The following WWOX variants were observed in gnomAD, a reference collection of about 807,000 sequenced individuals.
WWOX encodes the protein WW domain containing oxidoreductase, also known as WW domain-containing oxidoreductase.
Under a neutral mutation model 46.2 loss-of-function variants are expected in WWOX, and 69 were observed. That is an observed-to-expected ratio of 1.49 (90% CI 1.23 to 1.82). The LOEUF (loss-of-function observed/expected upper bound fraction) is 1.82. Ranked by LOEUF, WWOX falls within the 40% of genes most tolerant of loss-of-function variation. The pLI, the probability that WWOX is intolerant of heterozygous loss-of-function variation, is 0.00. For missense variants in WWOX, 919 were observed against 542.6 expected (o/e 1.69, Z -6.89); for synonymous variants, 359 against 202.6 (o/e 1.77, Z -6.56).
intron 5 of WWOX, chr16:78,264,407 CCT>C (rs1431476498): frequency 5.9e-5 from 9 of 152,214 alleles, no homozygotes; most frequent in East Asian, 3.9e-4. Flanking sequence ...TAAATTATCC[CCT>C]CTTTTTAAAC....
intron 8 of WWOX, among the ~76,000 whole-genome samples, chr16:78,569,681 G>T (rs1424193546): frequency 6.6e-6 from 1 of 152,178 alleles, no homozygotes; most frequent in Non-Finnish European, 1.5e-5. Flanking sequence ...CTCTCAGTGA[G>T]CAGGAAAATT....
chr16:78,990,200 A>AAG (rs1434354504), intron 8 of WWOX, among the ~76,000 whole-genome samples: 1 of 151,046 alleles, frequency 6.6e-6, no homozygotes, highest in African/African-American at 2.5e-5. Flanking sequence ...AAAAAAAAAA[A>AAG]AAGAGAGAGA....
chr16:79,050,989 A>C (rs572248492), intron 8 of WWOX, among the ~76,000 whole-genome samples: 1 of 152,212 alleles, frequency 6.6e-6, no homozygotes, highest in Non-Finnish European at 1.5e-5. Context: ...AACACAAGAC[A>C]CTGACCCAAA....
intron 8 of WWOX, among the ~76,000 whole-genome samples, chr16:78,538,399 C>A (rs973827728): frequency 6.6e-6 from 1 of 152,136 alleles, no homozygotes; most frequent in East Asian, 1.9e-4. Context: ...AGTCTTAAAC[C>A]TCTGCGTGGT....
intron 8 of WWOX, among the ~76,000 whole-genome samples, chr16:78,900,412 G>T (rs76938787): frequency 6.6e-6 from 1 of 152,066 alleles, no homozygotes; most frequent in African/African-American, 2.4e-5. Flanking sequence ...CAAATAATTT[G>T]TTTTTTATTT....
chr16:78,258,557 T>G (rs955702269), intron 5 of WWOX, among the ~76,000 whole-genome samples: 2 of 152,010 alleles, frequency 1.3e-5, no homozygotes, highest in African/African-American at 4.8e-5. Context: ...TTGGAGGCCT[T>G]GACAGTTCCA....
chr16:78,436,194 A>C (rs1156729963), intron 8 of WWOX, among the ~76,000 whole-genome samples: 2 of 152,258 alleles, frequency 1.3e-5, no homozygotes, highest in East Asian at 3.9e-4. Context: ...TGATTCTCCA[A>C]AATGTAATCT....
intron 8 of WWOX, among the ~76,000 whole-genome samples, chr16:78,454,037 G>A (rs975939557): frequency 2.2e-4 from 34 of 152,086 alleles, no homozygotes; most frequent in African/African-American, 8.2e-4. Context: ...AGAAATATAT[G>A]CCATTAATTT....
chr16:78,417,905 G>A (rs149542280), intron 6 of WWOX, among the ~76,000 whole-genome samples: 9 of 152,202 alleles, frequency 5.9e-5, no homozygotes, highest in African/African-American at 2.2e-4. Context: ...TTAGGTAGGG[G>A]ATGGGTGGGA....
intron 8 of WWOX, among the ~76,000 whole-genome samples, chr16:78,871,506 G>C (rs1031191190): frequency 6.6e-6 from 1 of 152,212 alleles, no homozygotes; most frequent in South Asian, 2.1e-4. Flanking sequence ...TGAGACACAG[G>C]TGACAAGATC....
intron 8 of WWOX, among the ~76,000 whole-genome samples, chr16:78,616,934 T>G (rs1195480739): frequency 1.3e-5 from 2 of 152,158 alleles, no homozygotes; most frequent in African/African-American, 4.8e-5. Context: ...CACAATAATG[T>G]TTTATAATGT....
chr16:78,525,707 A>C (rs1332801961), intron 8 of WWOX: 1 of 152,168 alleles, frequency 6.6e-6, no homozygotes, highest in East Asian at 1.9e-4. Context: ...GCATTCAATG[A>C]CCGAGAATCT....
At chr16:78,757,937 C>A (rs1335254404) in intron 8 of WWOX, among the ~76,000 whole-genome samples, 1 of 151,998 alleles carries the variant, frequency 6.6e-6, no homozygotes, top group Non-Finnish European at 1.5e-5. Context: ...ATTAGGGTTT[C>A]CAAATATGAG....
intron 8 of WWOX, among the ~76,000 whole-genome samples, chr16:78,760,436 A>AT (rs1567541858): frequency 6.6e-6 from 1 of 152,120 alleles, no homozygotes; most frequent in Admixed American, 6.5e-5. Flanking sequence ...CTTGCATTTG[A>AT]TTTTATCATG....
intron 8 of WWOX, among the ~76,000 whole-genome samples, chr16:78,618,737 A>G (rs1373250472): frequency 3.3e-5 from 5 of 151,970 alleles, no homozygotes; most frequent in Non-Finnish European, 7.4e-5. Flanking sequence ...ATGACTCATG[A>G]GAGAATTCCC....
At chr16:78,856,833 A>C (rs2052577952) in intron 8 of WWOX, among the ~76,000 whole-genome samples, 1 of 152,202 alleles carries the variant, frequency 6.6e-6, no homozygotes. Context: ...GTGTTCTGAG[A>C]AATGCTTCGT....
chr16:78,492,131 G>A (rs2084798828), intron 8 of WWOX, among the ~76,000 whole-genome samples: 1 of 152,166 alleles, frequency 6.6e-6, no homozygotes, highest in Non-Finnish European at 1.5e-5. Flanking sequence ...AAGTAAATGA[G>A]CAACCTGGAA....
At chr16:78,962,174 C>G (rs1201464763) in intron 8 of WWOX, among the ~76,000 whole-genome samples, 3 of 151,976 alleles carry the variant, frequency 2.0e-5, no homozygotes, top group African/African-American at 7.3e-5. Context: ...GAAGCCTAGG[C>G]TTTAATGAGG....
chr16:78,921,203 G>C (rs767265333), intron 8 of WWOX, among the ~76,000 whole-genome samples: 3 of 152,130 alleles, frequency 2.0e-5, no homozygotes, highest in African/African-American at 4.8e-5. Context: ...CAAGTCTGCA[G>C]GCAAAACAGA....
Sources: allele counts gnomAD v4.1 joint callset (sites outside exome capture counted in the v4.1 genomes callset), GRCh38; gene constraint gnomAD v4.1.1; transcripts MANE v1.5; gene names NCBI Gene and HGNC (gene_info 2026-07-23, HGNC 2026-07-21).